Variants in CEP162 observed in about 807,000 individuals in gnomAD.
CEP162 encodes centrosomal protein of 162 kDa.
In CEP162, 141 loss-of-function variants were observed where a neutral mutation model predicts 169.2. The ratio of observed to expected loss-of-function variants is 0.83; its 90% CI spans 0.73 to 0.96. The LOEUF (loss-of-function observed/expected upper bound fraction) is 0.96. Ranked by LOEUF, CEP162 falls within the 40% of genes least tolerant of loss-of-function variation. The pLI, the probability that CEP162 is intolerant of heterozygous loss-of-function variation, is 0.00. For missense variants in CEP162, 1,600 were observed against 1,587.2 expected (o/e 1.01, Z -0.14); for synonymous variants, 540 against 526.4 (o/e 1.03, Z -0.35).
At chr6:84,218,364 C>T (rs1442553917) in intron 3 of CEP162, among the ~76,000 whole-genome samples, 1 of 152,174 alleles carries the variant, frequency 6.6e-6, no homozygotes, top group African/African-American at 2.4e-5. Context: ...AATGGTTGGA[C>T]CGTGCTCGTC....
intron 18 of CEP162, among the ~76,000 whole-genome samples, chr6:84,166,097 G>A (rs2099527701): frequency 6.6e-6 from 1 of 152,106 alleles, no homozygotes; most frequent in African/African-American, 2.4e-5. Context: ...ATATTTCCAG[G>A]GACAGAGAAT....
At chr6:84,214,798 AAG>A (rs2099550900) in intron 5 of CEP162, among the ~76,000 whole-genome samples, 2 of 152,184 alleles carry the variant, frequency 1.3e-5, no homozygotes, top group African/African-American at 4.8e-5. Flanking sequence ...TAGTGTAATA[AAG>A]AGAGGACCAG....
At position 84,135,764 on chromosome 6, in the gene CEP162, G is replaced by T. The variant is rs570466697; in HGVS notation, c.3871-9252C>A. ...TGTAATCCCAGCTACTCAGGAAGCT[G>T]AGACATAAGAATCACTTGAATGAGG... On this transcript the variant is annotated intron_variant, in intron 25 of 26. Transcript: ENST00000403245. Among the ~76,000 whole-genome samples the T allele has an allele frequency of 6.2e-3, 951 of 152,246 alleles. 4 individuals carry two copies. The highest frequency in any genetic ancestry group is 0.022 in the African/African-American group (915 of 41,538).
intron 16 of CEP162, 143 bp downstream of exon 16, chr6:84,173,905 G>T: frequency 1.2e-5 from 7 of 560,068 alleles, no homozygotes; most frequent in Non-Finnish European, 2.1e-5. Context: ...GGCTGGTCTC[G>T]AACTCCTGAC....
In CEP162 at chr6:84,174,900, T is replaced by C. The variant is rs140360717; in HGVS notation, c.1852A>G (p.Arg618Gly). ...NKEKKLLMFK[R>G]VQEAEDKWRG... ...CATTTATCCTCTGCTTCCTGAACTCTTTTAAACATAAGTAATTTCTTCTCC... is the reference window on the plus strand; with the variant it reads ...CATTTATCCTCTGCTTCCTGAACTCCTTTAAACATAAGTAATTTCTTCTCC... Residue 618 changes from arginine (R) to glycine (G), a missense_variant, in exon 15 of 27, where the codon AGA (arginine) becomes GGA (glycine). By Grantham distance (125) the Arg-to-Gly change is moderately radical. Transcript: ENST00000403245. 599 of 1,611,350 alleles carry C rather than the reference T, an allele frequency of 3.7e-4. No homozygotes were observed. In the Middle Eastern group the frequency reaches 0.013, roughly 35 times the overall value.
intron 6 of CEP162, among the ~76,000 whole-genome samples, chr6:84,206,376 A>T (rs2099547046): frequency 6.6e-6 from 1 of 152,262 alleles, no homozygotes; most frequent in East Asian, 1.9e-4. Flanking sequence ...ACAGAGATGT[A>T]GACCAATGGA....
chr6:84,193,820 TC>T (rs1345378149), intron 10 of CEP162, 130 bp from the exon 11 acceptor site: 1 of 500,248 alleles, frequency 2.0e-6, no homozygotes, highest in East Asian at 3.4e-5. Context: ...AACCTAGTTT[TC>T]CGTCTTAAGT....
chr6:84,175,282 T>C lies in CEP162; in HGVS notation c.1729A>G (p.Ser577Gly). ...ALDKPAHKTE[S>G]CLSTRKKSEN... is the part of the protein sequence containing the mutation. ...GACTTCTTACGAGTAGACAGGCAAC[T>C]TTCAGTTTTGTGAGCTGGTTTATCC... The change falls in exon 14 of 27, where the codon AGT (serine) becomes GGT (glycine). Residue 577 changes from serine (S) to glycine (G), a missense_variant. Ser to Gly is a moderately conservative substitution (Grantham distance 56, BLOSUM62 0). Transcript: ENST00000403245. 2.6e-6 allele frequency: 4 copies of C among 1,547,978 alleles called. No homozygotes were observed. Among genetic ancestry groups the C allele is most frequent in the Non-Finnish European group, 3.5e-6 (4 of 1,144,864 alleles).
intron 22 of CEP162, among the ~76,000 whole-genome samples, chr6:84,154,673 G>A (rs1317775935): frequency 6.6e-6 from 1 of 152,156 alleles, no homozygotes; most frequent in Non-Finnish European, 1.5e-5. Context: ...AGATATTTAT[G>A]AAAGTATCTA....
At position 84,161,844 on chromosome 6, in the gene CEP162, T is replaced by C. The variant is rs2099525905; in HGVS notation, c.2578A>G (p.Lys860Glu). 6.3e-7 allele frequency: 1 copy of C among 1,590,796 alleles called. No homozygotes were observed. Among genetic ancestry groups the C allele is most frequent in the Non-Finnish European group, 8.6e-7 (1 of 1,164,878 alleles). ...TTTTCAGCATACCACTGTAATCTTT[T>C]TTGCAGACGACTGATTTCTTGTTTA... The part of the protein sequence containing the change: ...THKQEISRLQ[K>E]RLQWYAENQE... The change falls in exon 20 of 27, where the codon AAA becomes GAA. Residue 860 changes from lysine (K) to glutamate (E), a missense_variant. Coordinates refer to ENST00000403245, the MANE Select transcript of CEP162 (RefSeq NM_014895.4).
rs1467882040 is a variant in CEP162, at chr6:84,149,429, A to G, written c.3771+133T>C. On this transcript the variant is annotated intron_variant, in intron 24 of 26. Transcript: ENST00000403245. ...CTTCTTTAAAAAAGAAATCAAGCCA[A>G]TAATAGTTTCCCATTTCTATCACCA... The G allele has an allele frequency of 1.3e-5, 7 of 546,280 alleles. No individual in the cohort carries two copies. The East Asian group carries it at 2.3e-4, about 18-fold the overall frequency. 33.8% of individuals were successfully genotyped at this position (546,280 alleles called of 1,614,324 possible).
chr6:84,161,687 A>T, intron 20 of CEP162, 59 bp downstream of exon 20: 1 of 1,188,720 alleles, frequency 8.4e-7, no homozygotes, highest in Non-Finnish European at 1.2e-6. Flanking sequence ...TATGTACAAC[A>T]GATATTACGG....
intron 13 of CEP162, among the ~76,000 whole-genome samples, chr6:84,177,526 T>A (rs908923278): frequency 6.6e-6 from 1 of 152,122 alleles, no homozygotes; most frequent in African/African-American, 2.4e-5. Flanking sequence ...AATAAAAGCA[T>A]GCTGAATAAT....
At chr6:84,143,913 T>C (rs1030849943) in intron 25 of CEP162, among the ~76,000 whole-genome samples, 1 of 152,032 alleles carries the variant, frequency 6.6e-6, no homozygotes, top group Non-Finnish European at 1.5e-5. Flanking sequence ...ATGGTCTCTA[T>C]CAGTTCTTTG....
chr6:84,164,977 G>A (rs1369220961), intron 18 of CEP162, among the ~76,000 whole-genome samples: 1 of 151,964 alleles, frequency 6.6e-6, no homozygotes, highest in Non-Finnish European at 1.5e-5. Context: ...ACCCATGACT[G>A]ATCACCTCTT....
rs1341167919 is a variant in CEP162, at chr6:84,201,755, T to C, written c.700A>G (p.Thr234Ala). Residue 234 changes from threonine to alanine, a missense_variant, in exon 8 of 27, where the codon ACT becomes GCT. By Grantham distance (58) the Thr-to-Ala change is moderately conservative. Coordinates refer to ENST00000403245, the MANE Select transcript of CEP162 (RefSeq NM_014895.4). Reference protein sequence around the residue: ...ISVPKQEEEKTGMLANVVLLD... With the variant: ...ISVPKQEEEKAGMLANVVLLD... ...TATTTACCATTAGCAAGCATGCCAG[T>C]TTTTTCTTCTTCCTAAATTAAAAAA... 3.0e-6 allele frequency: 4 copies of C among 1,342,946 alleles called. No homozygotes were observed. The highest frequency in any genetic ancestry group is 3.6e-4 in the Middle Eastern group (2 of 5,530). 83.2% of individuals were successfully genotyped at this position (1,342,946 alleles called of 1,614,324 possible).
At position 84,186,524 on chromosome 6, in the gene CEP162, G is replaced by A; in HGVS notation, c.1209C>T (p.Asn403=). 6.2e-7 allele frequency: 1 copy of A among 1,612,904 alleles called. No individual in the cohort carries two copies. The highest frequency in any genetic ancestry group is 1.3e-5 in the African/African-American group (1 of 74,980). Residue 403 remains asparagine (N), a synonymous_variant, in exon 12 of 27, where the codon AAC becomes AAT. Transcript: ENST00000403245. ...NILSQDSQHV[N]LFFDKNDENV... Reference sequence around the variant, plus strand: ...TCTCATCATTTTTGTCAAAAAAAAGGTTCACATGTTGTGAGTCTTGAGACA... The same window carrying A: ...TCTCATCATTTTTGTCAAAAAAAAGATTCACATGTTGTGAGTCTTGAGACA...
At position 84,218,126 on chromosome 6, in the gene CEP162, C is replaced by A. The variant is rs554180811; in HGVS notation, c.173-2204G>T. 5.9e-5 allele frequency among the ~76,000 whole-genome samples: 9 copies of A among 152,186 alleles called. No individual in the cohort carries two copies. The South Asian group carries it at 1.9e-3, about 32-fold the overall frequency. Reference sequence around the variant, plus strand: ...GGGGGTATACCAAGACAGGAAAATCCAAGAATATTTCCATGAGGAAGTAAC... The same window carrying A: ...GGGGGTATACCAAGACAGGAAAATCAAAGAATATTTCCATGAGGAAGTAAC... On this transcript the variant is annotated intron_variant, in intron 3 of 26. Transcript: ENST00000403245.
At chr6:84,201,610 A>G in intron 8 of CEP162, 127 bp downstream of exon 8, 1 of 584,688 alleles carries the variant, frequency 1.7e-6, no homozygotes, top group Non-Finnish European at 3.1e-6. Flanking sequence ...GAGAAAAGCT[A>G]GGAACTTCAA....
Sources: gnomAD v4.1 joint callset for allele counts (sites outside exome capture counted in the v4.1 genomes callset) on GRCh38, gnomAD v4.1.1 for gene constraint, MANE v1.5 for transcripts, NCBI Gene and HGNC (gene_info 2026-07-23, HGNC 2026-07-21) for gene names.